Variants in AKT2 observed in about 807,000 individuals in gnomAD.
AKT2 encodes the protein RAC-beta serine/threonine-protein kinase.
A neutral mutation model predicts 58.6 loss-of-function variants in AKT2; 16 were observed. The observed-to-expected ratio is 0.27, with a 90% CI of 0.18 to 0.41. AKT2 has a LOEUF of 0.41. Ranked by LOEUF, AKT2 falls within the 10% of genes least tolerant of loss-of-function variation. The pLI is 1.00. For synonymous variants in AKT2, 253 were observed against 254.0 expected, an observed-to-expected ratio of 1.00 and a Z score of 0.04; for missense variants, 438 against 661.0, an observed-to-expected ratio of 0.66 and a Z score of 3.70.
chr19:40,262,593 G>A (rs918006473), intron 2 of AKT2, among the ~76,000 whole-genome samples: 38 of 152,218 alleles, frequency 2.5e-4, no homozygotes, highest in Non-Finnish European at 2.9e-5. Flanking sequence ...AGCTTGCTGG[G>A]TGAGAGGCAG....
chr19:40,256,238 G>A (rs538958303), intron 3 of AKT2, among the ~76,000 whole-genome samples: 11 of 152,266 alleles, frequency 7.2e-5, no homozygotes, highest in South Asian at 2.1e-4. Context: ...GCAGAGCAGC[G>A]TGGGACGGGG....
chr19:40,236,705 T>C, intron 9 of AKT2: 1 of 386,608 alleles, frequency 2.6e-6, no homozygotes, highest in Non-Finnish European at 4.9e-6. Context: ...TCTATTCTTT[T>C]TTTCTAGACT....
intron 2 of AKT2, among the ~76,000 whole-genome samples, chr19:40,260,441 C>A (rs1227896813): frequency 6.6e-6 from 1 of 151,826 alleles, no homozygotes; most frequent in African/African-American, 2.4e-5. Context: ...ACCATCCTGG[C>A]CAATATGGTG....
At chr19:40,267,024 C>G (rs1274868799) in intron 1 of AKT2, among the ~76,000 whole-genome samples, 1 of 152,116 alleles carries the variant, frequency 6.6e-6, no homozygotes, top group Middle Eastern at 3.2e-3. Flanking sequence ...CAACCTCTAA[C>G]GTGACCATCT....
At chr19:40,261,972 G>A (rs1411725202) in intron 2 of AKT2, among the ~76,000 whole-genome samples, 5 of 151,678 alleles carry the variant, frequency 3.3e-5, no homozygotes, top group Admixed American at 6.6e-5. Flanking sequence ...TTAGGAGAGC[G>A]GTAACTGCTT....
Position 40,285,312 on chromosome 19 carries a change from C to A in AKT2, c.-216G>T. Reference sequence around the variant, plus strand: ...GGCAGCGGCAGCGGCGGCGGCGACGCCTCCTCCGAGGCAGGCCCAACGGCT... The same window carrying A: ...GGCAGCGGCAGCGGCGGCGGCGACGACTCCTCCGAGGCAGGCCCAACGGCT... On this transcript the variant is annotated 5_prime_UTR_variant, in exon 1 of 14. Coordinates refer to ENST00000392038, the MANE Select transcript of AKT2 (RefSeq NM_001626.6). The A allele has an allele frequency of 2.5e-6, 1 of 394,796 alleles. No individual in the cohort carries two copies. Among genetic ancestry groups the A allele is most frequent in the Non-Finnish European group, 4.5e-6 (1 of 223,586 alleles). The allele number at this position is 394,796 out of a possible 1,614,324, so 24.5% of individuals were successfully genotyped here. A position where few individuals can be genotyped will look rare whatever the true frequency, so the allele number is the denominator to read the frequency against.
At chr19:40,282,444 C>A in intron 1 of AKT2, 4 of 475,694 alleles carry the variant, frequency 8.4e-6, no homozygotes, top group South Asian at 6.1e-5. Context: ...CCAGCACACA[C>A]CTGCCCAGGG....
At chr19:40,236,733 G>T in intron 9 of AKT2, 1 of 348,906 alleles carries the variant, frequency 2.9e-6, no homozygotes, top group Non-Finnish European at 5.6e-6. Context: ...CTTTAATTAT[G>T]AAATATGCAG....
chr19:40,231,044 A>C lies in AKT2; in HGVS notation c.*2828T>G. On this transcript the variant is annotated 3_prime_UTR_variant, in exon 14 of 14. Transcript: ENST00000392038. ...AGTCACTGTTCTTTATATACAAAAA[A>C]GAATGTGTGAAATTTTTAAAATGTA... 1 of 215,274 alleles carries C rather than the reference A, an allele frequency of 4.6e-6. No homozygotes were observed. The highest frequency in any genetic ancestry group is 2.3e-5 in the African/African-American group (1 of 44,308). 13.3% of individuals were successfully genotyped at this position (215,274 alleles called of 1,614,324 possible). A position where few individuals can be genotyped will look rare whatever the true frequency, so the allele number is the denominator to read the frequency against.
At chr19:40,249,567 G>A (rs1034785512) in intron 4 of AKT2, among the ~76,000 whole-genome samples, 6 of 152,308 alleles carry the variant, frequency 3.9e-5, no homozygotes, top group African/African-American at 9.6e-5. Flanking sequence ...CGTCCTCACC[G>A]CTTCAGGAGT....
At chr19:40,247,242 G>A (rs375921134) in intron 4 of AKT2, among the ~76,000 whole-genome samples, 1 of 152,230 alleles carries the variant, frequency 6.6e-6, no homozygotes, top group Non-Finnish European at 1.5e-5. Flanking sequence ...TGGGCCTCAA[G>A]TATCTTCTAG....
rs148750981 is a variant in AKT2, at chr19:40,278,225, G to A, written c.-85+6956C>T. Among the ~76,000 whole-genome samples the A allele has an allele frequency of 2.6e-5, 4 of 152,348 alleles. No individual in the cohort carries two copies. The East Asian group carries it at 7.7e-4, about 29-fold the overall frequency. On this transcript the variant is annotated intron_variant, in intron 1 of 13. Transcript: ENST00000392038. Reference sequence around the variant, plus strand: ...GCTGTCTTCAAAAGGCAGCTTCGCCGACAGAGCAGGGTTCAACCATCATGC... The same window carrying A: ...GCTGTCTTCAAAAGGCAGCTTCGCCAACAGAGCAGGGTTCAACCATCATGC...
chr19:40,238,362 A>C lies in AKT2; in HGVS notation c.709-271T>G, dbSNP rs1464633774. Among the ~76,000 whole-genome samples the C allele has an allele frequency of 3.3e-5, 5 of 152,214 alleles. No homozygotes were observed. The highest frequency in any genetic ancestry group is 3.9e-4 in the East Asian group (2 of 5,192). On this transcript the variant is annotated intron_variant, in intron 8 of 13. Coordinates refer to ENST00000392038, the MANE Select transcript of AKT2 (RefSeq NM_001626.6). The surrounding 1 kb of genome is among the most constrained non-coding windows in gnomAD (Gnocchi z 5.1). ...GGGAGGATGGCATGGAGGCAAAAAG[A>C]AGCACACGTCATGACCAAGTAACAA...
intron 3 of AKT2, 85 bp downstream of exon 3, chr19:40,256,841 T>C (rs1277811945): frequency 6.3e-7 from 1 of 1,596,390 alleles, no homozygotes; most frequent in Non-Finnish European, 8.6e-7. Flanking sequence ...GGCCCATGGC[T>C]CAATGACCAA....
intron 1 of AKT2, among the ~76,000 whole-genome samples, chr19:40,266,890 A>T (rs1976398342): frequency 6.6e-6 from 1 of 152,182 alleles, no homozygotes; most frequent in African/African-American, 2.4e-5. Flanking sequence ...CGAGCCTGGG[A>T]GGTCCAGGCT....
chr19:40,265,130 G>A lies in AKT2; in HGVS notation c.46+92C>T, dbSNP rs1237754173. On this transcript the variant is annotated intron_variant, in intron 2 of 13. Transcript: ENST00000392038. ...TGCGGAATGCTGGCTCCTCAGGCTG[G>A]TAAGACCCTCCGCCTCTGCCTCTCA... The A allele has an allele frequency of 2.6e-6, 4 of 1,544,548 alleles. No homozygotes were observed. In the Admixed American group the frequency reaches 5.8e-5, roughly 23 times the overall value.
chr19:40,275,392 A>G, intron 1 of AKT2: 1 of 447,894 alleles, frequency 2.2e-6, no homozygotes. Flanking sequence ...AGGAGAAACC[A>G]GTGGGTCTGC....
chr19:40,248,653 G>A (rs1356222446), intron 4 of AKT2, among the ~76,000 whole-genome samples: 2 of 152,264 alleles, frequency 1.3e-5, no homozygotes, highest in East Asian at 3.8e-4. Context: ...CCCAGGGCAG[G>A]AGCAAGCTGG....
Position 40,237,969 on chromosome 19 carries a change from C to T in AKT2, c.831G>A (p.Lys277=). 6.2e-7 allele frequency: 1 copy of T among 1,613,656 alleles called. No individual in the cohort carries two copies. Among genetic ancestry groups the T allele is most frequent in the Non-Finnish European group, 8.5e-7 (1 of 1,179,912 alleles). The part of the protein sequence containing the change: ...HSRDVVYRDI[K]LENLMLDKDG... Reference sequence around the variant, plus strand: ...GCCTGGCGCACACCCTGCCACTAACCTTGATGTCGCGGTATACCACGTCCC... The same window carrying T: ...GCCTGGCGCACACCCTGCCACTAACTTTGATGTCGCGGTATACCACGTCCC... Residue 277 remains lysine, a splice_region_variant and synonymous_variant, in exon 9 of 14, where the codon AAG becomes AAA. Transcript: ENST00000392038. The surrounding 1 kb of genome is among the most constrained non-coding windows in gnomAD (Gnocchi z 4.5).
Sources: gnomAD v4.1 joint callset for allele counts (sites outside exome capture counted in the v4.1 genomes callset) on GRCh38, gnomAD v4.1.1 for gene constraint, Gnocchi (gnomAD v3.1) non-coding constraint, MANE v1.5 for transcripts, NCBI Gene and HGNC (gene_info 2026-07-23, HGNC 2026-07-21) for gene names.